DRP2: variants seen among roughly 807,000 people sequenced by gnomAD.
DRP2 encodes dystrophin related protein 2.
A neutral mutation model predicts 78.2 loss-of-function variants in DRP2; 29 were observed. The ratio of observed to expected loss-of-function variants is 0.37; its 90% CI spans 0.28 to 0.51. DRP2 has a LOEUF of 0.51. Among genes scored for constraint, DRP2 ranks in the 20% least tolerant of loss-of-function variants. The probability of loss-of-function intolerance (pLI) is 0.94; values close to 1 mark genes in which losing one functional copy is unlikely to be tolerated. For missense variants in DRP2, 686 were observed against 770.6 expected, an observed-to-expected ratio of 0.89 and a Z score of 1.30; for synonymous variants, 290 against 281.9, an observed-to-expected ratio of 1.03 and a Z score of -0.29.
At chrX:101,223,835 C>T (rs1462692877) in intron 1 of DRP2, among the ~76,000 whole-genome samples, 1 of 112,084 alleles carries the variant, frequency 8.9e-6, no homozygotes, top group East Asian at 2.8e-4. Flanking sequence ...AAGGTCCTTT[C>T]TAGCTTGAAA....
intron 9 of DRP2, 74 bp downstream of exon 9, chrX:101,243,056 G>A: frequency 7.3e-6 from 7 of 955,431 alleles, no homozygotes; most frequent in Non-Finnish European, 1.0e-5. Flanking sequence ...TTATCCCCTG[G>A]GGCCCTGGTG....
At chrX:101,224,057 G>A (rs183981196) in intron 1 of DRP2, among the ~76,000 whole-genome samples, 218 of 109,183 alleles carry the variant, frequency 2.0e-3, no homozygotes, top group African/African-American at 7.0e-3. Flanking sequence ...ATTGGGGAGA[G>A]GATTCTGTAG....
chrX:101,237,179 G>A (rs145433896), intron 4 of DRP2, among the ~76,000 whole-genome samples: 2 of 111,995 alleles, frequency 1.8e-5, no homozygotes, highest in Admixed American at 9.4e-5. Context: ...ATCCTCTCCT[G>A]CTCAGAGGGC....
intron 9 of DRP2, 85 bp downstream of exon 9, chrX:101,243,067 G>A: frequency 1.1e-6 from 1 of 886,205 alleles, no homozygotes; most frequent in Non-Finnish European, 1.6e-6. Flanking sequence ...GGCCCTGGTG[G>A]GAGCCCAGTA....
chrX:101,237,807 A>T (rs1157224765), intron 5 of DRP2, 32 bp downstream of exon 5: 1 of 1,077,124 alleles, frequency 9.3e-7, no homozygotes, highest in South Asian at 3.1e-5. Flanking sequence ...CGTGGTGTGT[A>T]GCCTCTCAGC....
At chrX:101,237,218 G>C (rs1401535811) in intron 4 of DRP2, among the ~76,000 whole-genome samples, 1 of 112,203 alleles carries the variant, frequency 8.9e-6, no homozygotes, top group African/African-American at 3.2e-5. Flanking sequence ...TGGTTGAGCA[G>C]TTTGGCATGA....
rs1242258647 is a variant in DRP2, at chrX:101,262,516, T to A, written c.*1895T>A. 2 of 110,323 alleles carry A rather than the reference T, an allele frequency of 1.8e-5. No individual in the cohort carries two copies. Among genetic ancestry groups the A allele is most frequent in the Non-Finnish European group, 3.8e-5 (2 of 52,836 alleles). 9.1% of individuals were successfully genotyped at this position (110,323 alleles called of 1,213,427 possible). On this transcript the variant is annotated 3_prime_UTR_variant, in exon 24 of 24. Transcript: ENST00000395209. ...AATCAGGAGGGAGTGACGGTTGGGGTGTTGTATTATAATCCAGCAGTGGGC... is the reference window on the plus strand; with the variant it reads ...AATCAGGAGGGAGTGACGGTTGGGGAGTTGTATTATAATCCAGCAGTGGGC...
At chrX:101,224,206 T>TC (rs1569507519) in intron 1 of DRP2, among the ~76,000 whole-genome samples, 1 of 72,306 alleles carries the variant, frequency 1.4e-5, no homozygotes, top group East Asian at 4.3e-4. Flanking sequence ...TTTTTTTTTT[T>TC]TTTTTTTTTT....
intron 5 of DRP2, 38 bp from the exon 6 acceptor site, chrX:101,238,943 C>T: frequency 8.4e-7 from 1 of 1,194,512 alleles, no homozygotes; most frequent in Non-Finnish European, 1.1e-6. Flanking sequence ...GATTGAAAAA[C>T]TTTCCTTTCC....
chrX:101,250,493 G>A lies in DRP2; in HGVS notation c.1611G>A (p.Glu537=), dbSNP rs750143971. 8.0e-5 allele frequency: 97 copies of A among 1,209,218 alleles called. No homozygotes were observed. Among genetic ancestry groups the A allele is most frequent in the East Asian group, 6.2e-4 (21 of 33,717 alleles). Residue 537 remains glutamate, a synonymous_variant, in exon 15 of 24, where the codon GAG becomes GAA. Coordinates refer to ENST00000395209, the MANE Select transcript of DRP2 (RefSeq NM_001939.3). ...DQRHLGVLLH[E]AIQVPRQLGE... The stretch of plus-strand genomic sequence containing the variant: ...GCCACCTTGGTGTCCTGCTTCATGA[G>A]GCCATTCAGGTGCCCCGTCAGCTGG...
intron 6 of DRP2, among the ~76,000 whole-genome samples, chrX:101,239,801 T>C (rs982275341): frequency 3.2e-4 from 36 of 111,605 alleles, no homozygotes; most frequent in Admixed American, 8.5e-4. Context: ...ATGGTCTCAA[T>C]CTCCTGACCT....
intron 5 of DRP2, among the ~76,000 whole-genome samples, chrX:101,238,008 A>G (rs1243204508): frequency 1.8e-5 from 2 of 112,102 alleles, no homozygotes; most frequent in African/African-American, 6.5e-5. Context: ...TTTAATGGGA[A>G]CATGGGGAAA....
chrX:101,260,283 AG>A (rs1198714541), intron 23 of DRP2, 114 bp downstream of exon 23: 5 of 1,036,116 alleles, frequency 4.8e-6, no homozygotes, highest in Admixed American at 2.8e-5. Flanking sequence ...CTTTGTGCTT[AG>A]GGTCAGGGAT....
intron 3 of DRP2, among the ~76,000 whole-genome samples, chrX:101,233,392 CTG>C (rs1922376342): frequency 9.0e-6 from 1 of 111,139 alleles, no homozygotes; most frequent in African/African-American, 3.3e-5. Context: ...TGCTCTTGGC[CTG>C]CCATCCCCTG....
intron 2 of DRP2, among the ~76,000 whole-genome samples, chrX:101,225,400 T>C (rs750853915): frequency 3.5e-4 from 39 of 111,600 alleles, no homozygotes; most frequent in South Asian, 1.5e-3. Flanking sequence ...ACTTGTATTC[T>C]GAGACACAAC....
chrX:101,257,428 A>AT (rs1491545907), intron 21 of DRP2, among the ~76,000 whole-genome samples: 1 of 81,640 alleles, frequency 1.2e-5, no homozygotes, highest in Non-Finnish European at 2.3e-5. Flanking sequence ...CCAAGGCAAG[A>AT]TAAAAAAAAA....
At chrX:101,258,704 G>A (rs1041711284) in intron 22 of DRP2, among the ~76,000 whole-genome samples, 158 bp downstream of exon 22, 1 of 109,854 alleles carries the variant, frequency 9.1e-6, no homozygotes, top group African/African-American at 3.3e-5. Context: ...TTGGTGGGGG[G>A]GCGGGGGAAA....
chrX:101,229,373 C>T (rs765876970), intron 2 of DRP2, among the ~76,000 whole-genome samples: 79 of 111,475 alleles, frequency 7.1e-4, no homozygotes, highest in Non-Finnish European at 1.3e-3. Flanking sequence ...GCTGTATAAT[C>T]TATAGGGACT....
At chrX:101,252,325 C>T (rs1348236318) in intron 16 of DRP2, among the ~76,000 whole-genome samples, 1 of 111,721 alleles carries the variant, frequency 9.0e-6, no homozygotes, top group Non-Finnish European at 1.9e-5. Context: ...CCCTGCTTCC[C>T]TCCTGTCTCC....
Sources: gnomAD v4.1 joint callset for allele counts (sites outside exome capture counted in the v4.1 genomes callset) on GRCh38, gnomAD v4.1.1 for gene constraint, MANE v1.5 for transcripts, NCBI Gene and HGNC (gene_info 2026-07-23, HGNC 2026-07-21) for gene names.